The following RSU1 variants were observed in gnomAD, a reference collection of about 807,000 sequenced individuals.
The protein encoded by RSU1 is Ras suppressor protein 1, also known as rsu-1.
A neutral mutation model predicts 31.1 loss-of-function variants in RSU1; 26 were observed. The observed-to-expected ratio is 0.84, with a 90% CI of 0.61 to 1.16. RSU1 has a LOEUF of 1.16. Ranked by LOEUF, RSU1 falls within the 50% of genes most tolerant of loss-of-function variation. RSU1 has a pLI of 0.00. For synonymous variants in RSU1, 164 were observed against 136.3 expected (o/e 1.20, Z -1.41); for missense variants, 320 against 339.1 (o/e 0.94, Z 0.44).
rs79070158 is a variant in RSU1 at position 16,683,555 on chromosome 10, T to C, written c.731+11468A>G. Among the ~76,000 whole-genome samples the C allele has an allele frequency of 6.4e-3, 977 of 152,310 alleles. 13 individuals are homozygous for C. The highest frequency in any genetic ancestry group is 0.022 in the African/African-American group (910 of 41,576). On this transcript the variant is annotated intron_variant, in intron 8 of 8. Coordinates refer to ENST00000345264, the MANE Select transcript of RSU1 (RefSeq NM_012425.4). ...TATATGGAGACTGAGTAAATTATCATTGAAGTTTTAGTTATTTTATATGGC... is the reference window on the plus strand; with the variant it reads ...TATATGGAGACTGAGTAAATTATCACTGAAGTTTTAGTTATTTTATATGGC...
chr10:16,637,370 G>C (rs1046207238), intron 8 of RSU1, among the ~76,000 whole-genome samples: 1 of 152,146 alleles, frequency 6.6e-6, no homozygotes, highest in Non-Finnish European at 1.5e-5. Context: ...CCTGTGCAGC[G>C]GGGAATCTGC....
At chr10:16,675,548 A>G (rs1835211923) in intron 8 of RSU1, among the ~76,000 whole-genome samples, 1 of 152,226 alleles carries the variant, frequency 6.6e-6, no homozygotes, top group South Asian at 2.1e-4. Flanking sequence ...CCAGAACACT[A>G]GAGACCAGCG....
chr10:16,746,310 A>C (rs1449287386), intron 7 of RSU1, among the ~76,000 whole-genome samples: 1 of 152,204 alleles, frequency 6.6e-6, no homozygotes, highest in Non-Finnish European at 1.5e-5. Context: ...CATACGTCCC[A>C]TAGGCTGCTG....
chr10:16,677,677 C>T (rs1472535923), intron 8 of RSU1, among the ~76,000 whole-genome samples: 1 of 151,998 alleles, frequency 6.6e-6, no homozygotes, highest in African/African-American at 2.4e-5. Flanking sequence ...TTCTTGTTGC[C>T]CTGTCTCAAC....
Position 16,590,961 on chromosome 10 carries a change from G to A in RSU1, c.*2433C>T, listed in dbSNP as rs1217804173. 1 of 152,118 alleles carries A rather than the reference G, an allele frequency of 6.6e-6. No individual in the cohort carries two copies. The highest frequency in any genetic ancestry group is 2.4e-5 in the African/African-American group (1 of 41,422). 9.4% of individuals were successfully genotyped at this position (152,118 alleles called of 1,614,324 possible). A position where few individuals can be genotyped will look rare whatever the true frequency, so the allele number is the denominator to read the frequency against. On this transcript the variant is annotated 3_prime_UTR_variant, in exon 9 of 9. Coordinates refer to ENST00000345264, the MANE Select transcript of RSU1 (RefSeq NM_012425.4). ...GAATCTTGCTCTGTCGCCCAGGCTG[G>A]AGTGCGGTGGCTTAATCTCAGCTCA...
At chr10:16,617,785 GA>G (rs2131475009) in intron 8 of RSU1, among the ~76,000 whole-genome samples, 1 of 152,290 alleles carries the variant, frequency 6.6e-6, no homozygotes, top group African/African-American at 2.4e-5. Flanking sequence ...GCCATATGCA[GA>G]AAACAGAAAC....
At chr10:16,720,980 C>T (rs1836247509) in intron 7 of RSU1, among the ~76,000 whole-genome samples, 1 of 152,094 alleles carries the variant, frequency 6.6e-6, no homozygotes, top group Non-Finnish European at 1.5e-5. Flanking sequence ...GAACAAGACC[C>T]TATCTCACAT....
rs553595359 is a variant in RSU1 at position 16,652,498 on chromosome 10, A to G, written c.731+42525T>C. On this transcript the variant is annotated intron_variant, in intron 8 of 8. Transcript: ENST00000345264. ...AGGATGATCGGAATGTTCCATACCT[A>G]AACTGGTATACTGGTTATACACGTT... Among the ~76,000 whole-genome samples the G allele has an allele frequency of 1.8e-4, 27 of 151,902 alleles. No homozygotes were observed. In the South Asian group the frequency reaches 5.4e-3, roughly 30 times the overall value.
intron 7 of RSU1, among the ~76,000 whole-genome samples, chr10:16,711,059 A>G (rs965433145): frequency 2.6e-5 from 4 of 152,164 alleles, no homozygotes; most frequent in African/African-American, 9.6e-5. Flanking sequence ...TTCTCTATCC[A>G]GGAAAGACTT....
chr10:16,601,199 C>T (rs1312648402), intron 8 of RSU1, among the ~76,000 whole-genome samples: 1 of 152,188 alleles, frequency 6.6e-6, no homozygotes, highest in Non-Finnish European at 1.5e-5. Flanking sequence ...GAGTCCCTCA[C>T]CCCACCTTCC....
intron 7 of RSU1, among the ~76,000 whole-genome samples, chr10:16,730,980 C>T (rs747770889): frequency 5.3e-5 from 8 of 151,996 alleles, no homozygotes; most frequent in African/African-American, 1.4e-4. Flanking sequence ...CCCGCCACCA[C>T]GCCCAGCTTA....
chr10:16,687,242 T>C (rs1266597112), intron 8 of RSU1, among the ~76,000 whole-genome samples: 1 of 152,176 alleles, frequency 6.6e-6, no homozygotes, highest in Non-Finnish European at 1.5e-5. Flanking sequence ...TAAGCCCTAG[T>C]AGAGTTTCAC....
intron 7 of RSU1, among the ~76,000 whole-genome samples, chr10:16,735,389 G>A (rs552814637): frequency 7.5e-4 from 114 of 152,170 alleles, no homozygotes; most frequent in Non-Finnish European, 1.2e-3. Context: ...AACCTCTGGC[G>A]GTTGTGTAAA....
intron 4 of RSU1, among the ~76,000 whole-genome samples, chr10:16,759,853 T>C (rs1186332110): frequency 6.7e-6 from 1 of 149,000 alleles, no homozygotes; most frequent in Non-Finnish European, 1.5e-5. Context: ...GTAAATACTA[T>C]AAAAACTTTG....
At chr10:16,720,343 AATAT>A (rs1836228090) in intron 7 of RSU1, among the ~76,000 whole-genome samples, 1 of 152,202 alleles carries the variant, frequency 6.6e-6, no homozygotes, top group South Asian at 2.1e-4. Context: ...TAATTCTACA[AATAT>A]ACATATTGAA....
At chr10:16,647,087 C>A (rs1337226830) in intron 8 of RSU1, among the ~76,000 whole-genome samples, 2 of 152,032 alleles carry the variant, frequency 1.3e-5, no homozygotes, top group Non-Finnish European at 1.5e-5. Flanking sequence ...AAGCGATTCT[C>A]CTGCCTCAGC....
intron 8 of RSU1, among the ~76,000 whole-genome samples, chr10:16,673,469 TTGA>T (rs1835158387): frequency 6.6e-6 from 1 of 152,124 alleles, no homozygotes. Context: ...CAATGGGAAT[TTGA>T]CTGGGAGAAT....
chr10:16,645,984 A>G (rs1398984661), intron 8 of RSU1, among the ~76,000 whole-genome samples: 1 of 95,016 alleles, frequency 1.1e-5, no homozygotes, highest in Admixed American at 1.1e-4. Flanking sequence ...ATGTGTATAT[A>G]CATATATGTG....
chr10:16,706,372 T>C (rs565086883), intron 7 of RSU1, among the ~76,000 whole-genome samples: 1 of 152,218 alleles, frequency 6.6e-6, no homozygotes, highest in Non-Finnish European at 1.5e-5. Context: ...CATTTTTTCA[T>C]GTGCTTATTG....
Sources: gnomAD v4.1 joint callset for allele counts (sites outside exome capture counted in the v4.1 genomes callset) on GRCh38, gnomAD v4.1.1 for gene constraint, MANE v1.5 for transcripts, NCBI Gene and HGNC (gene_info 2026-07-23, HGNC 2026-07-21) for gene names.